The following TTC3 variants were observed in gnomAD, a reference collection of about 807,000 sequenced individuals.
The protein encoded by TTC3 is E3 ubiquitin-protein ligase TTC3.
In TTC3, 180 loss-of-function variants were observed where a neutral mutation model predicts 249.6. The observed-to-expected ratio is 0.72, with a 90% confidence interval of 0.64 to 0.82. TTC3 has a LOEUF of 0.82. Ranked by LOEUF, TTC3 falls within the 40% of genes least tolerant of loss-of-function variation. TTC3 has a pLI of 0.00. For synonymous variants in TTC3, 717 were observed against 805.0 expected, an observed-to-expected ratio of 0.89 and a Z score of 1.85; for missense variants, 2,061 against 2,398.4, an observed-to-expected ratio of 0.86 and a Z score of 2.94.
intron 18 of TTC3, among the ~76,000 whole-genome samples, chr21:37,137,074 T>C (rs1379943444): frequency 1.3e-5 from 2 of 152,214 alleles, no homozygotes; most frequent in East Asian, 1.9e-4. Flanking sequence ...GAATAAAAGA[T>C]TCTTTGCAAA....
chr21:37,147,420 C>G (rs191368916), intron 21 of TTC3, 61 bp from the exon 22 acceptor site: 1 of 1,451,202 alleles, frequency 6.9e-7, no homozygotes, highest in East Asian at 2.6e-5. Context: ...ATTGAAATCA[C>G]AAGCATTTTT....
At position 37,095,462 on chromosome 21, in the gene TTC3, A is replaced by T. The variant is rs1213298409; in HGVS notation, c.782+18A>T. The T allele has an allele frequency of 6.7e-7, 1 of 1,483,172 alleles. No homozygotes were observed. Among genetic ancestry groups the T allele is most frequent in the Non-Finnish European group, 9.2e-7 (1 of 1,088,660 alleles). 91.9% of individuals were successfully genotyped at this position (1,483,172 alleles called of 1,614,324 possible). A position where few individuals can be genotyped will look rare whatever the true frequency, so the allele number is the denominator to read the frequency against. ...GAATATAGGTAAGAGCAAATAGAAC[A>T]AAAGAGATGCTTTTTCTATGGCACA... On this transcript the variant is annotated intron_variant, in intron 9 of 45. Coordinates refer to ENST00000355666, the Ensembl canonical transcript of TTC3.
chr21:37,144,942 C>G (rs572405346), intron 21 of TTC3, among the ~76,000 whole-genome samples: 1 of 152,320 alleles, frequency 6.6e-6, no homozygotes, highest in Middle Eastern at 3.4e-3. Flanking sequence ...ATGATGCACT[C>G]AAGGTGAAAC....
intron 11 of TTC3, among the ~76,000 whole-genome samples, chr21:37,115,852 C>G (rs1271066376): frequency 2.6e-5 from 4 of 152,308 alleles, no homozygotes; most frequent in African/African-American, 7.2e-5. Context: ...GGCCAGCCCC[C>G]TTATTTCTTT....
In TTC3 at chr21:37,090,349, C is replaced by A; in HGVS notation, c.480+63C>A. On this transcript the variant is annotated intron_variant, in intron 6 of 45. Coordinates refer to ENST00000355666, the Ensembl canonical transcript of TTC3. ...GATGAGTGGCAGTCATCTCACTGCT[C>A]ATTTCCCCTTGCATTGGGTCCATAC... The A allele has an allele frequency of 2.1e-6, 3 of 1,415,250 alleles. No homozygotes were observed. The South Asian group carries it at 3.6e-5, about 17-fold the overall frequency. The allele number at this position is 1,415,250 out of a possible 1,614,324, so 87.7% of individuals were successfully genotyped here. A position where few individuals can be genotyped will look rare whatever the true frequency, so the allele number is the denominator to read the frequency against.
chr21:37,138,630 A>G lies in TTC3; in HGVS notation c.1579-4A>G. The G allele has an allele frequency of 6.2e-7, 1 of 1,609,134 alleles. No individual in the cohort carries two copies. Among genetic ancestry groups the G allele is most frequent in the South Asian group, 1.1e-5 (1 of 90,170 alleles). ...ATTTTTAACTGAGGCATTTTTATTG[A>G]CAGCAATTGAACCTGGCCATGATTA... On this transcript the variant is annotated splice_region_variant and splice_polypyrimidine_tract_variant and intron_variant, in intron 18 of 45. Coordinates refer to ENST00000355666, the Ensembl canonical transcript of TTC3.
At chr21:37,126,172 C>G (rs754851784) in intron 15 of TTC3, 29 bp downstream of exon 15, 3 of 1,600,918 alleles carry the variant, frequency 1.9e-6, no homozygotes, top group Non-Finnish European at 2.6e-6. Flanking sequence ...TCAATTGTTG[C>G]CAAGTTAATA....
intron 28 of TTC3, among the ~76,000 whole-genome samples, chr21:37,157,812 C>T (rs889133753): frequency 1.3e-5 from 2 of 152,168 alleles, no homozygotes; most frequent in East Asian, 3.8e-4. Flanking sequence ...GAGGCAGTGA[C>T]ATGTGTGGTC....
chr21:37,105,824 C>T (rs1406190932), intron 10 of TTC3, among the ~76,000 whole-genome samples: 1 of 152,186 alleles, frequency 6.6e-6, no homozygotes, highest in Non-Finnish European at 1.5e-5. Flanking sequence ...GTAAAGTGTT[C>T]ATCTATTGCA....
chr21:37,107,526 G>A (rs1228008137), intron 10 of TTC3, among the ~76,000 whole-genome samples: 2 of 152,238 alleles, frequency 1.3e-5, no homozygotes, highest in South Asian at 4.1e-4. Flanking sequence ...ATTTAATAAT[G>A]TAGTATCTAA....
intron 27 of TTC3, among the ~76,000 whole-genome samples, chr21:37,156,061 G>A (rs761086395): frequency 6.6e-6 from 1 of 151,368 alleles, no homozygotes; most frequent in South Asian, 2.1e-4. Context: ...TTTAGAGATA[G>A]GGTCTTGCCC....
intron 1 of TTC3, among the ~76,000 whole-genome samples, chr21:37,073,734 G>C (rs2070374763): frequency 6.6e-6 from 1 of 152,122 alleles, no homozygotes; most frequent in South Asian, 2.1e-4. Context: ...GGAGGCGCTC[G>C]CGTGTCGCCT....
chr21:37,121,785 G>C (rs2076603695), intron 11 of TTC3, 32 bp from the exon 12 acceptor site: 2 of 1,515,672 alleles, frequency 1.3e-6, no homozygotes, highest in South Asian at 1.4e-5. Context: ...GCATATTTTT[G>C]AGAAAAAATT....
At chr21:37,111,137 C>G (rs2147812263) in intron 11 of TTC3, among the ~76,000 whole-genome samples, 1 of 152,224 alleles carries the variant, frequency 6.6e-6, no homozygotes, top group East Asian at 1.9e-4. Context: ...TAGGAAGAAA[C>G]TGCATCAACT....
At chr21:37,180,673 G>C (rs556572023) in intron 35 of TTC3, among the ~76,000 whole-genome samples, 2 of 149,834 alleles carry the variant, frequency 1.3e-5, no homozygotes, top group African/African-American at 4.9e-5. Context: ...TGACGAGTTA[G>C]TGGGTGCAGT....
intron 40 of TTC3, among the ~76,000 whole-genome samples, 188 bp downstream of exon 40, chr21:37,191,612 CTT>C (rs539921257): frequency 9.0e-4 from 137 of 152,130 alleles, no homozygotes; most frequent in Non-Finnish European, 1.1e-3. Flanking sequence ...GAGTTTCGCT[CTT>C]GTTGCCCAGG....
In TTC3 at chr21:37,174,347, T is replaced by TTG. The variant is rs560405481; in HGVS notation, c.4617+1604_4617+1605dup. Among the ~76,000 whole-genome samples, 29 of 152,334 alleles carry TTG rather than the reference T, an allele frequency of 1.9e-4. No homozygotes were observed. In the South Asian group the frequency reaches 5.8e-3, roughly 30 times the overall value. On this transcript the variant is annotated intron_variant, in intron 35 of 45. Coordinates refer to ENST00000355666, the Ensembl canonical transcript of TTC3. ...TCACAGGCCTGATAAGTTATTAGAC[T>TTG]TGCCACGTAAAATGTATACCTATTC...
At chr21:37,126,768 C>T (rs1442832082) in intron 15 of TTC3, among the ~76,000 whole-genome samples, 2 of 152,180 alleles carry the variant, frequency 1.3e-5, no homozygotes, top group East Asian at 3.9e-4. Context: ...TGAGGGTCTT[C>T]TTCCCGGTTC....
At chr21:37,141,284 A>G (rs768093593) in intron 20 of TTC3, among the ~76,000 whole-genome samples, 1 of 152,196 alleles carries the variant, frequency 6.6e-6, no homozygotes, top group Admixed American at 6.6e-5. Context: ...ACTTGTACCC[A>G]ATATAGAGGT....
Sources: allele counts gnomAD v4.1 joint callset (sites outside exome capture counted in the v4.1 genomes callset), GRCh38; gene constraint gnomAD v4.1.1; transcripts MANE v1.5; gene names NCBI Gene and HGNC (gene_info 2026-07-23, HGNC 2026-07-21).